MYPN: variants seen among roughly 807,000 people sequenced by gnomAD.
The protein encoded by MYPN is sarcomeric protein myopalladin, 145 kDa (MYOP).
Under a neutral mutation model 129.4 loss-of-function variants are expected in MYPN, and 63 were observed. The observed-to-expected ratio is 0.49, with a 90% confidence interval of 0.40 to 0.60. MYPN has a LOEUF of 0.60. Among genes scored for constraint, MYPN ranks in the 20% least tolerant of loss-of-function variants. The pLI is 0.00. For synonymous variants in MYPN, 629 were observed against 600.9 expected, an observed-to-expected ratio of 1.05 and a Z score of -0.68; for missense variants, 1,596 against 1,635.4, an observed-to-expected ratio of 0.98 and a Z score of 0.42.
chr10:68,204,229 C>T (rs965448131), intron 18 of MYPN, among the ~76,000 whole-genome samples: 5 of 152,190 alleles, frequency 3.3e-5, no homozygotes, highest in African/African-American at 9.7e-5. Context: ...TTCGTATGTC[C>T]TGACTCTTCA....
intron 2 of MYPN, among the ~76,000 whole-genome samples, chr10:68,127,076 C>T (rs1189263390): frequency 1.3e-5 from 2 of 152,144 alleles, no homozygotes; most frequent in African/African-American, 2.4e-5. Flanking sequence ...CCTCCACCTC[C>T]TGGGTTCAAG....
rs2043722325 is a variant in MYPN, at chr10:68,201,958, A to G, written c.3623A>G (p.Asp1208Gly). ...CCACCTGTGTTCTACTGGAAGAAAG[A>G]CAATGAGACCATCCCTTGCACCAGA... ...MPPPVFYWKK[D>G]NETIPCTRER... Residue 1208 changes from aspartate to glycine, a missense_variant, in exon 18 of 20, where the codon GAC becomes GGC. By Grantham distance (94) the Asp-to-Gly change is moderately conservative (BLOSUM62 -1). Transcript: ENST00000358913. The G allele has an allele frequency of 1.2e-5, 20 of 1,613,994 alleles. No individual in the cohort carries two copies. The highest frequency in any genetic ancestry group is 1.7e-5 in the Admixed American group (1 of 60,000).
intron 12 of MYPN, among the ~76,000 whole-genome samples, chr10:68,177,813 T>C (rs1439763744): frequency 6.6e-6 from 1 of 151,956 alleles, no homozygotes; most frequent in African/African-American, 2.4e-5. Context: ...GTGCAAATGA[T>C]TCCTTCGGAA....
chr10:68,158,467 A>G lies in MYPN; in HGVS notation c.1318-19A>G. The stretch of plus-strand genomic sequence containing the variant: ...ATGTGTACTTTTTTGTTCTAACTAC[A>G]TTCTTCTTATCATTATAGATGCTAC... On this transcript the variant is annotated intron_variant, in intron 6 of 19. Coordinates refer to ENST00000358913, the MANE Select transcript of MYPN (RefSeq NM_032578.4). The G allele has an allele frequency of 6.2e-7, 1 of 1,611,552 alleles. No individual in the cohort carries two copies. Among genetic ancestry groups the G allele is most frequent in the Middle Eastern group, 1.7e-4 (1 of 6,052 alleles).
rs2043686431 is a variant in MYPN, at chr10:68,200,197, A to T, written c.3493+622A>T. Among the ~76,000 whole-genome samples, 3 of 152,148 alleles carry T rather than the reference A, an allele frequency of 2.0e-5. No homozygotes were observed. In the South Asian group the frequency reaches 6.2e-4, roughly 32 times the overall value. ...AGATGCTGAGCTCCTAAGGTCAGAG[A>T]CTGTGGCTCGTCTTGCACATCTCCA... On this transcript the variant is annotated intron_variant, in intron 17 of 19. Coordinates refer to ENST00000358913, the MANE Select transcript of MYPN (RefSeq NM_032578.4).
At position 68,174,636 on chromosome 10, in the gene MYPN, G is replaced by C; in HGVS notation, c.2544G>C (p.Leu848=). The change falls in exon 11 of 20, where the codon CTG becomes CTC. Residue 848 remains leucine, a synonymous_variant. Coordinates refer to ENST00000358913, the MANE Select transcript of MYPN (RefSeq NM_032578.4). ...PAIPPTNAMG[L]PRSAPSMPSQ... ...TCCCACCCACAAATGCCATGGGGCT[G>C]CCTAGAAGTGCACCATCCATGTAAG... 1 of 1,614,142 alleles carries C rather than the reference G, an allele frequency of 6.2e-7. No homozygotes were observed. The highest frequency in any genetic ancestry group is 1.1e-5 in the South Asian group (1 of 91,088).
intron 13 of MYPN, among the ~76,000 whole-genome samples, chr10:68,191,212 A>G (rs1310331542): frequency 1.5e-5 from 1 of 66,454 alleles, no homozygotes; most frequent in Non-Finnish European, 2.8e-5. Flanking sequence ...TGTTTTTTCT[A>G]TTTCTTTTTT....
rs560387426 is a variant in MYPN at position 68,174,198 on chromosome 10, G to A, written c.2106G>A (p.Ala702=). Residue 702 remains alanine (A), a synonymous_variant, in exon 11 of 20, where the codon GCG becomes GCA. Transcript: ENST00000358913. ...TTTTGAACTCCAATGCTCCCCCAGC[G>A]GTGACAACATCCAGTAAGCAGGTGA... is the stretch of plus-strand genomic sequence containing the variant. The part of the protein sequence containing the change: ...MTVLNSNAPP[A]VTTSSKQVKA... The A allele has an allele frequency of 1.4e-5, 23 of 1,613,970 alleles. No individual in the cohort carries two copies. The East Asian group carries it at 2.2e-4, about 16-fold the overall frequency.
intron 2 of MYPN, among the ~76,000 whole-genome samples, chr10:68,123,669 G>C (rs1378800035): frequency 6.7e-6 from 1 of 148,408 alleles, no homozygotes; most frequent in Non-Finnish European, 1.5e-5. Context: ...CTGGGCGACA[G>C]AGCGAGACTC....
chr10:68,102,953 G>A (rs892214735), upstream of MYPN, among the ~76,000 whole-genome samples: 2 of 152,182 alleles, frequency 1.3e-5, no homozygotes, highest in Non-Finnish European at 2.9e-5. Flanking sequence ...AAGATGAAGG[G>A]AAAGGAGATC....
chr10:68,185,154 G>A (rs1002883914), intron 12 of MYPN, among the ~76,000 whole-genome samples: 3 of 141,196 alleles, frequency 2.1e-5, no homozygotes, highest in African/African-American at 7.6e-5. Context: ...AGGAGGGAGG[G>A]AGGGAGGGAA....
intron 12 of MYPN, among the ~76,000 whole-genome samples, chr10:68,182,875 GT>G (rs1313137759): frequency 6.6e-6 from 1 of 152,052 alleles, no homozygotes; most frequent in East Asian, 1.9e-4. Context: ...TGGAGTACTG[GT>G]TAAGATAATA....
At position 68,175,222 on chromosome 10, in the gene MYPN, C is replaced by G; in HGVS notation, c.2565-101C>G. The G allele has an allele frequency of 2.4e-6, 3 of 1,271,114 alleles. 1 individual carries two copies. In the South Asian group the frequency reaches 3.7e-5, roughly 16 times the overall value. 78.7% of individuals were successfully genotyped at this position (1,271,114 alleles called of 1,614,324 possible). Reference sequence around the variant, plus strand: ...GCTTAATTCCCTAAGTGCCTAATGACCGCTGGTTTCTGGTTGTCATTTCAA... The same window carrying G: ...GCTTAATTCCCTAAGTGCCTAATGAGCGCTGGTTTCTGGTTGTCATTTCAA... On this transcript the variant is annotated intron_variant, in intron 11 of 19. Transcript: ENST00000358913.
upstream of MYPN, among the ~76,000 whole-genome samples, chr10:68,105,670 T>C (rs2042006242): frequency 6.6e-6 from 1 of 152,246 alleles, no homozygotes; most frequent in Non-Finnish European, 1.5e-5. Context: ...AAAGCTTTAA[T>C]TTAATCACCT....
chr10:68,159,344 C>T (rs1343142058), intron 7 of MYPN, among the ~76,000 whole-genome samples: 2 of 152,162 alleles, frequency 1.3e-5, no homozygotes, highest in Admixed American at 6.5e-5. Context: ...CATCTCACAC[C>T]TTCACCAACA....
chr10:68,205,360 T>A (rs995565871), intron 18 of MYPN, among the ~76,000 whole-genome samples: 4 of 151,994 alleles, frequency 2.6e-5, no homozygotes, highest in Non-Finnish European at 5.9e-5. Context: ...TTATTTTCCA[T>A]TAAACTTAGG....
chr10:68,105,176 TC>T (rs1012381956), upstream of MYPN, among the ~76,000 whole-genome samples: 3 of 152,200 alleles, frequency 2.0e-5, no homozygotes, highest in Non-Finnish European at 4.4e-5. Flanking sequence ...GAGCACAGAC[TC>T]AGGTTCAATT....
rs754707304 is a variant in MYPN at position 68,197,464 on chromosome 10, C to A, written c.3271C>A (p.Arg1091=). ...GGTAGCTCATGAGGGGCGCCTCTGT[C>A]GGCTGGACTGTAAGGTAGACTCCAG... ...DMVAHEGRLC[R]LDCKVSGLPP... Residue 1091 remains arginine (R), a synonymous_variant, in exon 16 of 20, where the codon CGG becomes AGG. Coordinates refer to ENST00000358913, the MANE Select transcript of MYPN (RefSeq NM_032578.4). 6.2e-7 allele frequency: 1 copy of A among 1,613,700 alleles called. No individual in the cohort carries two copies. The highest frequency in any genetic ancestry group is 1.7e-5 in the Admixed American group (1 of 59,994).
intron 12 of MYPN, among the ~76,000 whole-genome samples, chr10:68,179,549 G>A (rs922182626): frequency 1.3e-5 from 2 of 152,142 alleles, no homozygotes; most frequent in African/African-American, 4.8e-5. Flanking sequence ...TGGATTTGTT[G>A]CAAAACTATG....
Sources: gnomAD v4.1 joint callset for allele counts (sites outside exome capture counted in the v4.1 genomes callset) on GRCh38, gnomAD v4.1.1 for gene constraint, MANE v1.5 for transcripts, NCBI Gene and HGNC (gene_info 2026-07-23, HGNC 2026-07-21) for gene names.